The following TBC1D4 variants were observed in gnomAD, a reference collection of about 807,000 sequenced individuals.
The protein encoded by TBC1D4 is TBC (Tre-2, BUB2, CDC16) domain-containing protein.
In TBC1D4, 121 loss-of-function variants were observed where a neutral mutation model predicts 142.5. The ratio of observed to expected loss-of-function variants is 0.85; its 90% CI spans 0.73 to 0.99. TBC1D4 has a LOEUF of 0.99. TBC1D4 is among the 50% of genes least tolerant of loss of function. The pLI is 0.00. For synonymous variants in TBC1D4, 630 were observed against 628.2 expected (o/e 1.00, Z -0.04); for missense variants, 1,475 against 1,606.6 (o/e 0.92, Z 1.40).
intron 1 of TBC1D4, among the ~76,000 whole-genome samples, chr13:75,427,091 CA>C (rs1252558285): frequency 7.4e-5 from 11 of 148,082 alleles, no homozygotes; most frequent in East Asian, 2.0e-4. Context: ...AAAATATAAA[CA>C]TTTTTTTTTT....
intron 1 of TBC1D4, among the ~76,000 whole-genome samples, chr13:75,436,536 G>A (rs1886806254): frequency 6.6e-6 from 1 of 151,806 alleles, no homozygotes; most frequent in Admixed American, 6.6e-5. Context: ...CATGCCTATA[G>A]TCCCAGCTAC....
intron 1 of TBC1D4, among the ~76,000 whole-genome samples, chr13:75,472,121 A>G (rs55710544): frequency 5.0e-5 from 7 of 141,358 alleles, no homozygotes; most frequent in African/African-American, 1.5e-4. Context: ...AAAAAAAAAA[A>G]AAAAAGAAAA....
intron 1 of TBC1D4, among the ~76,000 whole-genome samples, chr13:75,452,291 C>A (rs1264191288): frequency 6.6e-6 from 1 of 152,108 alleles, no homozygotes; most frequent in Non-Finnish European, 1.5e-5. Flanking sequence ...AATAAAGATA[C>A]TATCTTGGAG....
At chr13:75,353,266 A>C (rs991337829) in intron 4 of TBC1D4, among the ~76,000 whole-genome samples, 9 of 152,346 alleles carry the variant, frequency 5.9e-5, no homozygotes, top group Non-Finnish European at 7.3e-5. Flanking sequence ...ACTAAAAACA[A>C]AACAAAACCT....
At chr13:75,409,851 T>G (rs531681279) in intron 1 of TBC1D4, among the ~76,000 whole-genome samples, 1 of 152,212 alleles carries the variant, frequency 6.6e-6, no homozygotes, top group Admixed American at 6.5e-5. Flanking sequence ...TCTTAGGATG[T>G]TAAGATACTA....
chr13:75,424,507 A>G (rs1886299248), intron 1 of TBC1D4, among the ~76,000 whole-genome samples: 1 of 152,170 alleles, frequency 6.6e-6, no homozygotes, highest in Non-Finnish European at 1.5e-5. Context: ...AGAAGTAAAA[A>G]AAAAATCTTA....
chr13:75,384,669 T>G, intron 1 of TBC1D4, among the ~76,000 whole-genome samples: 1 of 151,808 alleles, frequency 6.6e-6, no homozygotes, highest in East Asian at 1.9e-4. Flanking sequence ...TTTCTTTACA[T>G]AAATACCAGC....
At chr13:75,466,904 A>G (rs1366090743) in intron 1 of TBC1D4, among the ~76,000 whole-genome samples, 1 of 152,018 alleles carries the variant, frequency 6.6e-6, no homozygotes, top group African/African-American at 2.4e-5. Context: ...AATTAAAAAA[A>G]AAACATCTGA....
At chr13:75,463,247 A>C (rs1199091470) in intron 1 of TBC1D4, among the ~76,000 whole-genome samples, 1 of 152,154 alleles carries the variant, frequency 6.6e-6, no homozygotes, top group Admixed American at 6.5e-5. Context: ...GATGTTACTC[A>C]TGTGTTTTAA....
chr13:75,460,795 T>A lies in TBC1D4; in HGVS notation c.498+20475A>T, dbSNP rs535124423. On this transcript the variant is annotated intron_variant, in intron 1 of 20. Transcript: ENST00000377636. Reference sequence around the variant, plus strand: ...AAAAATGGCCAGACATGGTGGCACATGTCCATAGTCCCAGCTACTAGGGTG... The same window carrying A: ...AAAAATGGCCAGACATGGTGGCACAAGTCCATAGTCCCAGCTACTAGGGTG... Among the ~76,000 whole-genome samples, 6 of 152,120 alleles carry A rather than the reference T, an allele frequency of 3.9e-5. No homozygotes were observed. In the East Asian group the frequency reaches 1.2e-3, roughly 29 times the overall value.
chr13:75,479,604 T>C (rs1038545205), intron 1 of TBC1D4, among the ~76,000 whole-genome samples: 6 of 151,662 alleles, frequency 4.0e-5, no homozygotes, highest in Admixed American at 3.9e-4. Context: ...TGGGGGGAAA[T>C]AACTTTAACA....
intron 1 of TBC1D4, among the ~76,000 whole-genome samples, chr13:75,456,120 A>G (rs1887726411): frequency 6.6e-6 from 1 of 151,984 alleles, no homozygotes; most frequent in African/African-American, 2.4e-5. Flanking sequence ...CACCACTCCC[A>G]GCTCTCACAT....
intron 1 of TBC1D4, among the ~76,000 whole-genome samples, chr13:75,435,248 T>C (rs1886750265): frequency 6.8e-6 from 1 of 147,846 alleles, no homozygotes; most frequent in Non-Finnish European, 1.5e-5. Flanking sequence ...TGCGAAAAAA[T>C]ATCCCAGGAA....
At chr13:75,355,254 G>C (rs540290172) in intron 4 of TBC1D4, among the ~76,000 whole-genome samples, 40 of 152,310 alleles carry the variant, frequency 2.6e-4, no homozygotes, top group African/African-American at 9.4e-4. Flanking sequence ...ATCCTGGTGG[G>C]AGGATCACAT....
At chr13:75,324,483 G>C in intron 10 of TBC1D4, 82 bp from the exon 11 acceptor site, 1 of 1,508,768 alleles carries the variant, frequency 6.6e-7, no homozygotes. Flanking sequence ...CATATAAACA[G>C]GTTCTTGCTA....
intron 11 of TBC1D4, 109 bp downstream of exon 11, chr13:75,324,128 C>T (rs889148696): frequency 1.6e-6 from 2 of 1,249,620 alleles, no homozygotes; most frequent in African/African-American, 3.0e-5. Flanking sequence ...ACAAGCACAA[C>T]ACAGGGATGC....
intron 1 of TBC1D4, among the ~76,000 whole-genome samples, chr13:75,473,415 G>C (rs1238953386): frequency 1.3e-5 from 2 of 152,200 alleles, no homozygotes; most frequent in African/African-American, 4.8e-5. Context: ...TCGACCAGAA[G>C]CACTGTGTTT....
chr13:75,410,038 A>T (rs549216856), intron 1 of TBC1D4, among the ~76,000 whole-genome samples: 1 of 152,332 alleles, frequency 6.6e-6, no homozygotes, highest in East Asian at 1.9e-4. Context: ...CACTTACCTT[A>T]AAACTCAGTT....
chr13:75,302,474 A>G, intron 15 of TBC1D4, 73 bp from the exon 16 acceptor site: 1 of 1,579,780 alleles, frequency 6.3e-7, no homozygotes, highest in South Asian at 1.1e-5. Flanking sequence ...CTGATTCACT[A>G]TATAATTCTG....
Sources: gnomAD v4.1 joint callset for allele counts (sites outside exome capture counted in the v4.1 genomes callset) on GRCh38, gnomAD v4.1.1 for gene constraint, MANE v1.5 for transcripts, NCBI Gene and HGNC (gene_info 2026-07-23, HGNC 2026-07-21) for gene names.